The following CCDC60 variants were observed in gnomAD, a reference collection of about 807,000 sequenced individuals.
CCDC60 encodes the protein coiled-coil domain containing 60.
CCDC60 carries 54 observed loss-of-function variants against 63.5 expected under a neutral mutation model. The observed-to-expected ratio is 0.85, with a 90% CI of 0.68 to 1.07. The LOEUF is 1.07. CCDC60 is among the 50% of genes least tolerant of loss of function. The probability of loss-of-function intolerance (pLI) is 0.00; values close to 1 mark genes in which losing one functional copy is unlikely to be tolerated. For missense variants in CCDC60, 651 were observed against 684.3 expected (o/e 0.95, Z 0.54); for synonymous variants, 206 against 238.8 (o/e 0.86, Z 1.27).
At chr12:119,522,794 CAT>C (rs1448984449) in intron 9 of CCDC60, 143 bp from the exon 10 acceptor site, 3 of 758,510 alleles carry the variant, frequency 4.0e-6, no homozygotes, top group Non-Finnish European at 7.2e-6. Flanking sequence ...GGAAGAAATT[CAT>C]AGAGTTCTGT....
chr12:119,487,105 T>C (rs1195854390), intron 4 of CCDC60, among the ~76,000 whole-genome samples: 2 of 152,048 alleles, frequency 1.3e-5, no homozygotes. Flanking sequence ...GACCACTGCA[T>C]CAGCTTCATC....
At chr12:119,462,188 A>G (rs962731930) in intron 2 of CCDC60, among the ~76,000 whole-genome samples, 3 of 152,212 alleles carry the variant, frequency 2.0e-5, no homozygotes, top group Admixed American at 2.0e-4. Context: ...GTTAATTGAT[A>G]AGACAAGCAT....
At chr12:119,395,157 C>A (rs1029415214) in intron 1 of CCDC60, among the ~76,000 whole-genome samples, 1 of 152,184 alleles carries the variant, frequency 6.6e-6, no homozygotes, top group African/African-American at 2.4e-5. Flanking sequence ...GTGCAACCAA[C>A]AGATGAAAAG....
chr12:119,467,912 G>T (rs1315628411), intron 2 of CCDC60, among the ~76,000 whole-genome samples: 2 of 152,134 alleles, frequency 1.3e-5, no homozygotes, highest in East Asian at 3.9e-4. Context: ...AAAGCAAAAT[G>T]GAAGCATATT....
intron 5 of CCDC60, among the ~76,000 whole-genome samples, chr12:119,490,860 A>G (rs1350864116): frequency 6.6e-6 from 1 of 152,094 alleles, no homozygotes; most frequent in African/African-American, 2.4e-5. Flanking sequence ...ATTACAGGCT[A>G]TTTATTTTTC....
chr12:119,452,905 C>T (rs951499870), intron 2 of CCDC60, among the ~76,000 whole-genome samples: 1 of 152,150 alleles, frequency 6.6e-6, no homozygotes, highest in Non-Finnish European at 1.5e-5. Context: ...TCACTGCCAC[C>T]TCCACCTCCC....
At chr12:119,470,303 C>A (rs1951031487) in intron 2 of CCDC60, among the ~76,000 whole-genome samples, 1 of 152,176 alleles carries the variant, frequency 6.6e-6, no homozygotes, top group Non-Finnish European at 1.5e-5. Flanking sequence ...GGTGTTCTTC[C>A]TCCATGACAC....
At chr12:119,477,081 G>A (rs1270262482) in intron 3 of CCDC60, among the ~76,000 whole-genome samples, 1 of 152,176 alleles carries the variant, frequency 6.6e-6, no homozygotes, top group African/African-American at 2.4e-5. Flanking sequence ...ACTCACATTG[G>A]TGGCAAGTTG....
At position 119,439,381 on chromosome 12, in the gene CCDC60, G is replaced by A. The variant is rs186500897; in HGVS notation, c.170+10619G>A. Among the ~76,000 whole-genome samples the A allele has an allele frequency of 3.6e-3, 548 of 152,228 alleles. 13 individuals carry two copies. Among genetic ancestry groups the A allele is most frequent in the Non-Finnish European group, 9.0e-4 (61 of 68,016 alleles). On this transcript the variant is annotated intron_variant, in intron 2 of 13. Coordinates refer to ENST00000327554, the MANE Select transcript of CCDC60 (RefSeq NM_178499.5). ...CTGGAGGGGAGAAGGGAGTACCCAG[G>A]TCAGAATTTGATTCATTTACATCCT...
At chr12:119,428,320 A>G (rs1956935652) in intron 1 of CCDC60, among the ~76,000 whole-genome samples, 1 of 152,212 alleles carries the variant, frequency 6.6e-6, no homozygotes, top group African/African-American at 2.4e-5. Context: ...AATGCTTGCT[A>G]TCAGTGAGGA....
chr12:119,416,748 T>C (rs912508867), intron 1 of CCDC60, among the ~76,000 whole-genome samples: 5 of 152,212 alleles, frequency 3.3e-5, no homozygotes, highest in Non-Finnish European at 7.3e-5. Context: ...GTTATCTTTT[T>C]CTTTCAGGTG....
intron 2 of CCDC60, among the ~76,000 whole-genome samples, chr12:119,451,184 T>C (rs1305550114): frequency 6.6e-6 from 1 of 152,198 alleles, no homozygotes; most frequent in Non-Finnish European, 1.5e-5. Context: ...GGATGCATTT[T>C]TCCACAAGAT....
chr12:119,338,661 A>G (rs1955499792), intron 1 of CCDC60, among the ~76,000 whole-genome samples: 1 of 152,234 alleles, frequency 6.6e-6, no homozygotes, highest in Non-Finnish European at 1.5e-5. Flanking sequence ...AAGGTGTAAG[A>G]CACAATCATT....
chr12:119,492,509 A>G (rs1479455881), intron 5 of CCDC60, among the ~76,000 whole-genome samples: 1 of 152,262 alleles, frequency 6.6e-6, no homozygotes, highest in Admixed American at 6.5e-5. Context: ...ATAAGAAAGC[A>G]GAAAGAGCTC....
At chr12:119,416,900 C>G (rs1185641811) in intron 1 of CCDC60, among the ~76,000 whole-genome samples, 1 of 152,100 alleles carries the variant, frequency 6.6e-6, no homozygotes, top group East Asian at 1.9e-4. Flanking sequence ...ATGGGCAGAT[C>G]ACCTGAGGCC....
chr12:119,453,013 G>T (rs1335116139), intron 2 of CCDC60, among the ~76,000 whole-genome samples: 1 of 152,092 alleles, frequency 6.6e-6, no homozygotes, highest in Non-Finnish European at 1.5e-5. Flanking sequence ...TTTTAGTAGA[G>T]ACGGGGTTTC....
intron 1 of CCDC60, among the ~76,000 whole-genome samples, chr12:119,401,201 G>A (rs61938072): frequency 0.082 from 12,551 of 152,236 alleles, 691 homozygotes; most frequent in Non-Finnish European, 0.12. Flanking sequence ...GATGTCAAGT[G>A]TCCTTCCAAT....
At chr12:119,358,134 A>G (rs1246278511) in intron 1 of CCDC60, among the ~76,000 whole-genome samples, 3 of 152,104 alleles carry the variant, frequency 2.0e-5, no homozygotes, top group South Asian at 4.1e-4. Context: ...CCACAATCCA[A>G]TCACCTCCCA....
intron 2 of CCDC60, among the ~76,000 whole-genome samples, chr12:119,446,047 G>T (rs1716433): frequency 6.6e-6 from 1 of 152,076 alleles, no homozygotes; most frequent in Non-Finnish European, 1.5e-5. Flanking sequence ...AACCAAACAC[G>T]ACCTGTACCC....
Sources: allele counts gnomAD v4.1 joint callset (sites outside exome capture counted in the v4.1 genomes callset), GRCh38; gene constraint gnomAD v4.1.1; transcripts MANE v1.5; gene names NCBI Gene and HGNC (gene_info 2026-07-23, HGNC 2026-07-21).